FAM133B: variants seen among roughly 807,000 people sequenced by gnomAD.
FAM133B encodes protein FAM133B.
A neutral mutation model predicts 46.4 loss-of-function variants in FAM133B; 25 were observed. That is an observed-to-expected ratio of 0.54 (90% confidence interval 0.39 to 0.75). FAM133B has a LOEUF of 0.75. Among genes scored for constraint, FAM133B ranks in the 30% least tolerant of loss-of-function variants. The pLI, the probability that FAM133B is intolerant of heterozygous loss-of-function variation, is 0.00. For missense variants in FAM133B, 205 were observed against 277.6 expected (o/e 0.74, Z 1.86); for synonymous variants, 75 against 86.0 (o/e 0.87, Z 0.71).
At chr7:92,578,518 T>C in intron 3 of FAM133B, 125 bp from the exon 4 acceptor site, 1 of 838,356 alleles carries the variant, frequency 1.2e-6, no homozygotes, top group South Asian at 1.6e-5. Flanking sequence ...CAGCTTCTAA[T>C]TACAGTCAAA....
At chr7:92,570,881 A>T (rs938130438) in intron 8 of FAM133B, among the ~76,000 whole-genome samples, 8 of 152,162 alleles carry the variant, frequency 5.3e-5, no homozygotes, top group Non-Finnish European at 5.9e-5. Context: ...ATCAGAAATT[A>T]AACACCATTA....
chr7:92,583,080 T>C (rs1010419567), intron 1 of FAM133B, among the ~76,000 whole-genome samples: 1 of 152,202 alleles, frequency 6.6e-6, no homozygotes, highest in African/African-American at 2.4e-5. Context: ...AACGCAAATG[T>C]CCATCTATGG....
rs545601041 is a variant in FAM133B at position 92,574,733 on chromosome 7, G to A, written c.516+1038C>T. Among the ~76,000 whole-genome samples the A allele has an allele frequency of 2.2e-3, 326 of 150,998 alleles. 1 individual carries two copies. The highest frequency in any genetic ancestry group is 0.014 in the South Asian group (67 of 4,752). On this transcript the variant is annotated intron_variant, in intron 8 of 10. Transcript: ENST00000445716. The stretch of plus-strand genomic sequence containing the variant: ...ATCCTGGCTAACAAGGTGAAACCCC[G>A]TCTCTACTAAAAATACAAAAAATTA...
At chr7:92,589,878 A>G in intron 1 of FAM133B, 1 of 214,872 alleles carries the variant, frequency 4.7e-6, no homozygotes, top group Non-Finnish European at 9.2e-6. Flanking sequence ...GCCGATACCA[A>G]GGGGCGGGTG....
rs115478543 is a variant in FAM133B, at chr7:92,572,841, C to T, written c.517-2926G>A. Reference sequence around the variant, plus strand: ...ATCTAGATGTTCATAAAAAGGAGAACGGAGAAATAATTGTGGTGGATTAAT... The same window carrying T: ...ATCTAGATGTTCATAAAAAGGAGAATGGAGAAATAATTGTGGTGGATTAAT... On this transcript the variant is annotated intron_variant, in intron 8 of 10. Transcript: ENST00000445716. Among the ~76,000 whole-genome samples the T allele has an allele frequency of 6.5e-3, 995 of 152,036 alleles. 9 individuals are homozygous for T. Among genetic ancestry groups the T allele is most frequent in the African/African-American group, 0.022 (929 of 41,460 alleles).
intron 8 of FAM133B, among the ~76,000 whole-genome samples, chr7:92,574,944 A>T (rs1256575257): frequency 1.3e-5 from 2 of 151,986 alleles, no homozygotes; most frequent in African/African-American, 4.8e-5. Context: ...AATTCTGAGT[A>T]AAAACTAGTG....
chr7:92,582,812 G>A (rs1257094869), intron 1 of FAM133B, among the ~76,000 whole-genome samples: 1 of 152,162 alleles, frequency 6.6e-6, no homozygotes, highest in African/African-American at 2.4e-5. Flanking sequence ...CATTAGGATG[G>A]CTATTATTAA....
chr7:92,572,391 T>G (rs1023348902), intron 8 of FAM133B, among the ~76,000 whole-genome samples: 2 of 152,332 alleles, frequency 1.3e-5, no homozygotes, highest in Admixed American at 1.3e-4. Context: ...ATCCTAGAAC[T>G]TAGAAATTAC....
chr7:92,563,546 C>T (rs1562887336), intron 10 of FAM133B, among the ~76,000 whole-genome samples: 2 of 152,142 alleles, frequency 1.3e-5, no homozygotes, highest in Non-Finnish European at 2.9e-5. Context: ...CCATTGTTTA[C>T]CACATACTCT....
At chr7:92,581,099 G>A (rs538588872) in intron 2 of FAM133B, among the ~76,000 whole-genome samples, 6 of 152,328 alleles carry the variant, frequency 3.9e-5, no homozygotes, top group African/African-American at 1.2e-4. Context: ...ACAAAAATCA[G>A]TCAGTTTTTC....
In FAM133B at chr7:92,585,034, T is replaced by A. The variant is rs114930040; in HGVS notation, c.25-3431A>T. 5.3e-3 allele frequency among the ~76,000 whole-genome samples: 802 copies of A among 152,254 alleles called. 5 individuals carry two copies. The highest frequency in any genetic ancestry group is 0.018 in the African/African-American group (736 of 41,534). On this transcript the variant is annotated intron_variant, in intron 1 of 10. Coordinates refer to ENST00000445716, the MANE Select transcript of FAM133B (RefSeq NM_152789.4). ...CAAAAACCCTCTGTATATGGTGAAC[T>A]GCAACCTGGCTTGATGTGCAAACAA...
chr7:92,567,446 C>T (rs1794388283), intron 9 of FAM133B, among the ~76,000 whole-genome samples: 1 of 151,936 alleles, frequency 6.6e-6, no homozygotes, highest in Admixed American at 6.6e-5. Context: ...ATGACAAATA[C>T]ATAAAAATGC....
chr7:92,589,134 G>A (rs1172021515), intron 1 of FAM133B, among the ~76,000 whole-genome samples: 3 of 152,220 alleles, frequency 2.0e-5, no homozygotes, highest in East Asian at 1.9e-4. Flanking sequence ...AAGAAACGTA[G>A]CACATTCGTT....
intron 1 of FAM133B, among the ~76,000 whole-genome samples, chr7:92,587,162 C>G (rs1795058603): frequency 6.6e-6 from 1 of 152,168 alleles, no homozygotes; most frequent in African/African-American, 2.4e-5. Context: ...ATTAAAAAAA[C>G]TGTTCAACCT....
intron 9 of FAM133B, among the ~76,000 whole-genome samples, chr7:92,568,003 A>T (rs1794414278): frequency 6.6e-6 from 1 of 152,190 alleles, no homozygotes; most frequent in Admixed American, 6.5e-5. Context: ...ACCTCAGGTG[A>T]TCCATCTGCC....
In FAM133B at chr7:92,590,345, T is replaced by G; in HGVS notation, c.-54A>C. On this transcript the variant is annotated 5_prime_UTR_variant, in exon 1 of 11. Transcript: ENST00000445716. ...CCGAGGGAAACCGGGCCGGAGAGACTGCCGAAGAGGGCCTGCCGCAGGTCC... is the reference window on the plus strand; with the variant it reads ...CCGAGGGAAACCGGGCCGGAGAGACGGCCGAAGAGGGCCTGCCGCAGGTCC... 6.2e-7 allele frequency: 1 copy of G among 1,610,912 alleles called. No individual in the cohort carries two copies. The highest frequency in any genetic ancestry group is 8.5e-7 in the Non-Finnish European group (1 of 1,178,972).
intron 9 of FAM133B, among the ~76,000 whole-genome samples, chr7:92,566,499 G>C (rs1331807318): frequency 6.6e-6 from 1 of 152,070 alleles, no homozygotes; most frequent in Non-Finnish European, 1.5e-5. Flanking sequence ...AAAAATAGCT[G>C]GGCACAGTGG....
At chr7:92,564,461 CTTAA>C (rs556191582) in intron 10 of FAM133B, among the ~76,000 whole-genome samples, 4 of 152,300 alleles carry the variant, frequency 2.6e-5, no homozygotes, top group South Asian at 4.1e-4. Flanking sequence ...TTGGTTATGT[CTTAA>C]TTAATTAATC....
intron 8 of FAM133B, among the ~76,000 whole-genome samples, chr7:92,573,890 A>T (rs980494534): frequency 6.6e-6 from 1 of 151,570 alleles, no homozygotes. Flanking sequence ...ATTTTTTTTT[A>T]AATTTAGATG....
Sources: allele counts gnomAD v4.1 joint callset (sites outside exome capture counted in the v4.1 genomes callset), GRCh38; gene constraint gnomAD v4.1.1; transcripts MANE v1.5; gene names NCBI Gene and HGNC (gene_info 2026-07-23, HGNC 2026-07-21).